The following CAPZB variants were observed in gnomAD, a reference collection of about 807,000 sequenced individuals.
The protein encoded by CAPZB is capping actin protein of muscle Z-line subunit beta, also known as F-actin-capping protein subunit beta.
CAPZB carries 2 observed loss-of-function variants against 38.1 expected under a neutral mutation model. That is an observed-to-expected ratio of 0.05 (90% CI 0.02 to 0.17). The LOEUF is 0.17. CAPZB is among the 10% of genes least tolerant of loss of function. The pLI, the probability that CAPZB is intolerant of heterozygous loss-of-function variation, is 1.00. For synonymous variants in CAPZB, 107 were observed against 127.4 expected, an observed-to-expected ratio of 0.84 and a Z score of 1.08; for missense variants, 161 against 334.2, an observed-to-expected ratio of 0.48 and a Z score of 4.04.
chr1:19,409,655 G>A (rs1182428008), intron 2 of CAPZB, among the ~76,000 whole-genome samples: 1 of 152,226 alleles, frequency 6.6e-6, no homozygotes. Flanking sequence ...ACTGCTGGAG[G>A]CCCTGCTTCT....
chr1:19,429,401 C>G (rs1024234667), intron 1 of CAPZB, among the ~76,000 whole-genome samples: 1 of 152,188 alleles, frequency 6.6e-6, no homozygotes, highest in African/African-American at 2.4e-5. Flanking sequence ...TTACTTCTTC[C>G]TTTTCTTGAA....
At chr1:19,443,820 G>C (rs1217214422) in intron 1 of CAPZB, among the ~76,000 whole-genome samples, 3 of 152,294 alleles carry the variant, frequency 2.0e-5, no homozygotes, top group Middle Eastern at 6.8e-3. Context: ...TCCTCACCAA[G>C]AGGGACTCAA....
chr1:19,383,076 C>T lies in CAPZB; in HGVS notation c.215+2429G>A, dbSNP rs372626394. ...GGAGGACTGCTTGAACCTAGGAGTTCGAGGCCAGCCTGGGCAACAAAATGA... is the reference window on the plus strand; with the variant it reads ...GGAGGACTGCTTGAACCTAGGAGTTTGAGGCCAGCCTGGGCAACAAAATGA... On this transcript the variant is annotated intron_variant, in intron 3 of 8. Coordinates refer to ENST00000264202, the MANE Select transcript of CAPZB (RefSeq NM_004930.5). Among the ~76,000 whole-genome samples, 16 of 144,654 alleles carry T rather than the reference C, an allele frequency of 1.1e-4. No individual in the cohort carries two copies. In the East Asian group the frequency reaches 2.8e-3, roughly 26 times the overall value. The allele number at this position is 144,654 out of a possible 152,430, so 94.9% of individuals were successfully genotyped here.
At position 19,485,495 on chromosome 1, in the gene CAPZB, C is replaced by T; in HGVS notation, c.-57G>A. 7.3e-6 allele frequency: 9 copies of T among 1,224,880 alleles called. No individual in the cohort carries two copies. Among genetic ancestry groups the T allele is most frequent in the Non-Finnish European group, 9.2e-6 (9 of 982,830 alleles). 75.9% of individuals were successfully genotyped at this position (1,224,880 alleles called of 1,614,324 possible). A position where few individuals can be genotyped will look rare whatever the true frequency, so the allele number is the denominator to read the frequency against. On this transcript the variant is annotated 5_prime_UTR_variant, in exon 1 of 9. Coordinates refer to ENST00000264202, the MANE Select transcript of CAPZB (RefSeq NM_004930.5). ...GCGTCAGTGGCTCTCCCCCCCGCAG[C>T]AGGGCCCGGCGCTTCCACTTCCCCG...
chr1:19,377,683 C>G (rs539938974), intron 4 of CAPZB, among the ~76,000 whole-genome samples: 40 of 152,264 alleles, frequency 2.6e-4, no homozygotes, highest in African/African-American at 9.6e-4. Context: ...TTAGTATTGC[C>G]TATTTTACAG....
At chr1:19,343,290 C>G (rs1322564601) in intron 8 of CAPZB, among the ~76,000 whole-genome samples, 1 of 152,218 alleles carries the variant, frequency 6.6e-6, no homozygotes, top group African/African-American at 2.4e-5. Flanking sequence ...CCAAAGAGGA[C>G]TCCTCCTCTG....
At chr1:19,484,473 C>T in intron 1 of CAPZB, 1 of 1,446,776 alleles carries the variant, frequency 6.9e-7, no homozygotes, top group Non-Finnish European at 9.1e-7. Flanking sequence ...CGGCGGCAGC[C>T]TCGAGAAGGG....
At chr1:19,438,552 A>AAAAT (rs2094465620) in intron 1 of CAPZB, among the ~76,000 whole-genome samples, 1 of 152,200 alleles carries the variant, frequency 6.6e-6, no homozygotes, top group East Asian at 1.9e-4. Context: ...GAGTGGACCA[A>AAAAT]GGGGCTCTGA....
At chr1:19,454,251 C>T (rs952159834) in intron 1 of CAPZB, among the ~76,000 whole-genome samples, 1 of 152,208 alleles carries the variant, frequency 6.6e-6, no homozygotes, top group East Asian at 1.9e-4. Context: ...ATAATTCACA[C>T]CTGCACTCAC....
intron 2 of CAPZB, among the ~76,000 whole-genome samples, chr1:19,388,384 A>AGGAAAGAAAGGAG: frequency 6.6e-6 from 1 of 152,340 alleles, no homozygotes; most frequent in Non-Finnish European, 1.5e-5. Context: ...TTTGGGAGGA[A>AGGAAAGAAAGGAG]GGAAAGAAAG....
Position 19,479,596 on chromosome 1 carries a change from T to A in CAPZB, c.3+5840A>T, listed in dbSNP as rs527761765. Among the ~76,000 whole-genome samples, 12 of 152,210 alleles carry A rather than the reference T, an allele frequency of 7.9e-5. No individual in the cohort carries two copies. In the East Asian group the frequency reaches 2.1e-3, roughly 27 times the overall value. On this transcript the variant is annotated intron_variant, in intron 1 of 8. Transcript: ENST00000264202. ...CCGTGTCACTCTGCCTTTATCTCCT[T>A]CCACCATCCCTTCCTTTCCACACCC...
intron 4 of CAPZB, among the ~76,000 whole-genome samples, chr1:19,358,604 G>A (rs559900693): frequency 3.9e-5 from 6 of 152,338 alleles, no homozygotes; most frequent in East Asian, 1.9e-4. Flanking sequence ...GAGCAGAGGT[G>A]AGGGGTGGAG....
chr1:19,458,959 G>C (rs944500335), intron 1 of CAPZB, among the ~76,000 whole-genome samples: 2 of 152,190 alleles, frequency 1.3e-5, no homozygotes, highest in Admixed American at 6.5e-5. Flanking sequence ...TGGAACATTC[G>C]AAGGGCAGAA....
At chr1:19,416,885 A>AG (rs1463500491) in intron 2 of CAPZB, among the ~76,000 whole-genome samples, 1 of 139,674 alleles carries the variant, frequency 7.2e-6, no homozygotes, top group Non-Finnish European at 1.5e-5. Flanking sequence ...AAAAAAAAAA[A>AG]AAAGTATGCT....
chr1:19,370,030 T>C (rs2094111587), intron 4 of CAPZB, among the ~76,000 whole-genome samples: 1 of 152,188 alleles, frequency 6.6e-6, no homozygotes, highest in Non-Finnish European at 1.5e-5. Context: ...GAGGAACTTC[T>C]TTGGATGCAC....
chr1:19,350,022 G>C (rs957734530), intron 6 of CAPZB, among the ~76,000 whole-genome samples: 1 of 152,234 alleles, frequency 6.6e-6, no homozygotes, highest in South Asian at 2.1e-4. Context: ...TGTTCCACGA[G>C]GTGGTTCCAA....
At chr1:19,347,902 G>A (rs141535189) in intron 6 of CAPZB, among the ~76,000 whole-genome samples, 39 of 152,306 alleles carry the variant, frequency 2.6e-4, no homozygotes, top group South Asian at 1.7e-3. Flanking sequence ...ACTTCACCAC[G>A]CCAGTTAAAT....
At chr1:19,413,311 C>T (rs2094365249) in intron 2 of CAPZB, among the ~76,000 whole-genome samples, 1 of 152,200 alleles carries the variant, frequency 6.6e-6, no homozygotes, top group Admixed American at 6.5e-5. Flanking sequence ...TTTTCACTTA[C>T]TTCAGCTGAG....
chr1:19,455,491 A>G (rs1290583018), intron 1 of CAPZB, among the ~76,000 whole-genome samples: 1 of 152,176 alleles, frequency 6.6e-6, no homozygotes, highest in Non-Finnish European at 1.5e-5. Flanking sequence ...TGGGACTATT[A>G]TTTCTCAACA....
Sources: gnomAD v4.1 joint callset for allele counts (sites outside exome capture counted in the v4.1 genomes callset) on GRCh38, gnomAD v4.1.1 for gene constraint, MANE v1.5 for transcripts, NCBI Gene and HGNC (gene_info 2026-07-23, HGNC 2026-07-21) for gene names.